GRIK4: variants seen among roughly 807,000 people sequenced by gnomAD.
The protein encoded by GRIK4 is glutamate receptor ionotropic, kainate 4.
A neutral mutation model predicts 104.9 loss-of-function variants in GRIK4; 40 were observed. The observed-to-expected ratio is 0.38, with a 90% CI of 0.30 to 0.50. The LOEUF (loss-of-function observed/expected upper bound fraction) is 0.50. Among genes scored for constraint, GRIK4 ranks in the 20% least tolerant of loss-of-function variants. The pLI, the probability that GRIK4 is intolerant of heterozygous loss-of-function variation, is 0.93. For synonymous variants in GRIK4, 485 were observed against 524.9 expected, an observed-to-expected ratio of 0.92 and a Z score of 1.04; for missense variants, 1,047 against 1,308.1, an observed-to-expected ratio of 0.80 and a Z score of 3.08.
intron 2 of GRIK4, among the ~76,000 whole-genome samples, chr11:120,658,598 A>T (rs957429400): frequency 6.6e-6 from 1 of 152,022 alleles, no homozygotes; most frequent in Admixed American, 6.6e-5. Flanking sequence ...CATTTTCCTG[A>T]TGCTTAATGA....
Position 120,660,323 on chromosome 11 carries a change from C to T in GRIK4, c.5C>T (p.Pro2Leu), listed in dbSNP as rs1340594609. The T allele has an allele frequency of 1.9e-6, 3 of 1,612,488 alleles. No individual in the cohort carries two copies. The highest frequency in any genetic ancestry group is 1.7e-6 in the Non-Finnish European group (2 of 1,179,134). Residue 2 changes from proline to leucine, a missense_variant, in exon 3 of 21, where the codon CCC becomes CTC. This residue lies in a region of GRIK4 where 447 missense variants were observed against 514.9 expected (regional missense o/e 0.87). Transcript: ENST00000527524. ...CTCCATGAGGATTCATAGAAGATGC[C>T]CCGCGTCTCGGCGCCTTTGGTGCTG... M[P>L]RVSAPLVLLP...
chr11:120,720,029 T>G (rs780099818), intron 3 of GRIK4, among the ~76,000 whole-genome samples: 1 of 151,980 alleles, frequency 6.6e-6, no homozygotes, highest in Non-Finnish European at 1.5e-5. Flanking sequence ...ACATTTCATT[T>G]GTAAAAATTC....
Position 120,513,597 on chromosome 11 carries a change from T to C in GRIK4, c.-159+1710T>C, listed in dbSNP as rs1947687192. ...TCAAGGTCACGACCCTTCGGAGAGT[T>C]AATCTAATATGCACACATTACAGTG... On this transcript the variant is annotated intron_variant, in intron 1 of 20. Coordinates refer to ENST00000527524, the MANE Select transcript of GRIK4 (RefSeq NM_014619.5). The surrounding 1 kb of genome is among the most constrained non-coding windows in gnomAD (Gnocchi z 4.5). 6.6e-6 allele frequency among the ~76,000 whole-genome samples: 1 copy of C among 152,226 alleles called. No homozygotes were observed. Among genetic ancestry groups the C allele is most frequent in the Non-Finnish European group, 1.5e-5 (1 of 68,040 alleles).
chr11:120,932,900 G>A (rs1310442355), intron 13 of GRIK4, among the ~76,000 whole-genome samples: 1 of 152,178 alleles, frequency 6.6e-6, no homozygotes. Flanking sequence ...AAAGGTCAGA[G>A]AAGAAAGATC....
chr11:120,673,212 C>T (rs1007804756), intron 3 of GRIK4, among the ~76,000 whole-genome samples: 4 of 152,208 alleles, frequency 2.6e-5, no homozygotes, highest in African/African-American at 9.7e-5. Context: ...TAGTTCTCTG[C>T]TGTTTCCCCA....
chr11:120,876,859 T>A (rs1361646460), intron 11 of GRIK4, among the ~76,000 whole-genome samples: 1 of 152,220 alleles, frequency 6.6e-6, no homozygotes, highest in Non-Finnish European at 1.5e-5. Flanking sequence ...CCCCGGGAAC[T>A]GATGCAGTTG....
intron 3 of GRIK4, among the ~76,000 whole-genome samples, chr11:120,717,586 A>G (rs1022838577): frequency 2.6e-5 from 4 of 151,894 alleles, no homozygotes; most frequent in Admixed American, 1.3e-4. Flanking sequence ...GGAGAACTTG[A>G]TTTGTGATGT....
chr11:120,704,356 T>C (rs947035960), intron 3 of GRIK4, among the ~76,000 whole-genome samples: 1 of 152,232 alleles, frequency 6.6e-6, no homozygotes, highest in Non-Finnish European at 1.5e-5. Flanking sequence ...GGAAGAGCTA[T>C]TGGATTTATT....
intron 13 of GRIK4, among the ~76,000 whole-genome samples, chr11:120,925,286 G>T (rs535814898): frequency 5.3e-5 from 8 of 152,316 alleles, no homozygotes; most frequent in Non-Finnish European, 1.0e-4. Flanking sequence ...GAGGGAAAAT[G>T]AAAGGAAGAC....
chr11:120,820,458 T>C (rs1459722347), intron 6 of GRIK4, among the ~76,000 whole-genome samples: 2 of 152,200 alleles, frequency 1.3e-5, no homozygotes, highest in Non-Finnish European at 2.9e-5. Context: ...AAATGCAGGT[T>C]TTGGAAATGT....
chr11:120,868,231 C>G (rs1954478860), intron 9 of GRIK4: 1 of 152,144 alleles, frequency 6.6e-6, no homozygotes, highest in South Asian at 2.1e-4. Context: ...TATACAGAGC[C>G]TTGCATTCCC....
intron 1 of GRIK4, among the ~76,000 whole-genome samples, chr11:120,531,822 C>A (rs776345962): frequency 6.6e-6 from 1 of 152,104 alleles, no homozygotes; most frequent in Non-Finnish European, 1.5e-5. Flanking sequence ...ATGATCCACC[C>A]GCCTTGGTCT....
intron 13 of GRIK4, among the ~76,000 whole-genome samples, chr11:120,914,886 G>A (rs2134544478): frequency 6.6e-6 from 1 of 152,328 alleles, no homozygotes; most frequent in South Asian, 2.1e-4. Flanking sequence ...TTAGACAGCT[G>A]TCCAGTGATC....
chr11:120,687,986 A>G (rs994961186), intron 3 of GRIK4, among the ~76,000 whole-genome samples: 3 of 152,140 alleles, frequency 2.0e-5, no homozygotes, highest in East Asian at 3.9e-4. Context: ...TTGGGACCCT[A>G]TATTTGAGGA....
chr11:120,753,522 A>G (rs1369384976), intron 3 of GRIK4, among the ~76,000 whole-genome samples: 2 of 152,074 alleles, frequency 1.3e-5, no homozygotes, highest in Non-Finnish European at 2.9e-5. Flanking sequence ...AACAAGTCCT[A>G]TGTAGATTTT....
intron 9 of GRIK4, among the ~76,000 whole-genome samples, chr11:120,867,253 G>C (rs529986594): frequency 3.5e-4 from 53 of 152,110 alleles, no homozygotes; most frequent in Admixed American, 3.9e-4. Context: ...TTTGAAAAGT[G>C]GTGCCTCTTC....
chr11:120,681,161 C>T (rs1354947235), intron 3 of GRIK4, among the ~76,000 whole-genome samples: 1 of 152,124 alleles, frequency 6.6e-6, no homozygotes, highest in Non-Finnish European at 1.5e-5. Context: ...TGTCAGGAAA[C>T]TCAAAGACAG....
intron 1 of GRIK4, among the ~76,000 whole-genome samples, chr11:120,540,069 G>C (rs753900365): frequency 1.2e-4 from 18 of 152,212 alleles, no homozygotes; most frequent in Non-Finnish European, 2.4e-4. Context: ...TGACAAGAAA[G>C]GTGCTCACAA....
intron 3 of GRIK4, among the ~76,000 whole-genome samples, chr11:120,749,354 T>C (rs1951503676): frequency 6.6e-6 from 1 of 152,160 alleles, no homozygotes; most frequent in South Asian, 2.1e-4. Flanking sequence ...TAGGGCACCA[T>C]GGGCAGGTGT....
Sources: gnomAD v4.1 joint callset for allele counts (sites outside exome capture counted in the v4.1 genomes callset) on GRCh38, gnomAD v4.1.1 for gene constraint, gnomAD v4.1.1 regional missense constraint, Gnocchi (gnomAD v3.1) non-coding constraint, MANE v1.5 for transcripts, NCBI Gene and HGNC (gene_info 2026-07-23, HGNC 2026-07-21) for gene names.